Variants in TBCK observed in about 807,000 individuals in gnomAD.
TBCK encodes the protein TBC1 domain containing kinase, also known as TBC domain-containing protein kinase-like protein.
TBCK carries 99 observed loss-of-function variants against 113.4 expected under a neutral mutation model. That is an observed-to-expected ratio of 0.87 (90% confidence interval 0.74 to 1.03). TBCK has a LOEUF of 1.03. Among genes scored for constraint, TBCK ranks in the 50% least tolerant of loss-of-function variants. TBCK has a pLI of 0.00. For missense variants in TBCK, 1,045 were observed against 1,061.3 expected, an observed-to-expected ratio of 0.98 and a Z score of 0.21; for synonymous variants, 369 against 370.8, an observed-to-expected ratio of 1.00 and a Z score of 0.05.
chr4:106,052,374 A>G (rs1190979892), intron 25 of TBCK, among the ~76,000 whole-genome samples: 1 of 151,818 alleles, frequency 6.6e-6, no homozygotes, highest in Admixed American at 6.6e-5. Flanking sequence ...AAAAAGTGGG[A>G]GAGTCTAGAA....
At chr4:106,240,624 A>T (rs1290164944) in intron 12 of TBCK, among the ~76,000 whole-genome samples, 4 of 152,000 alleles carry the variant, frequency 2.6e-5, no homozygotes, top group African/African-American at 9.7e-5. Flanking sequence ...ATTTTACTAC[A>T]TGAAAAAATA....
Position 106,044,860 on chromosome 4 carries a change from C to A in TBCK, c.*1710G>T, listed in dbSNP as rs1453243294. The A allele has an allele frequency of 6.6e-6, 1 of 152,134 alleles. No individual in the cohort carries two copies. Among genetic ancestry groups the A allele is most frequent in the Admixed American group, 6.5e-5 (1 of 15,280 alleles). 9.4% of individuals were successfully genotyped at this position (152,134 alleles called of 1,614,324 possible). On this transcript the variant is annotated 3_prime_UTR_variant, in exon 26 of 26. Coordinates refer to ENST00000394708, the MANE Select transcript of TBCK (RefSeq NM_001163435.3). The stretch of plus-strand genomic sequence containing the variant: ...TAAACAATAGCAGCAACAACAAAAC[C>A]ATGGCCCAGAAAGCTGAATTGAGGC...
At chr4:106,274,901 G>T (rs1763864343) in intron 3 of TBCK, among the ~76,000 whole-genome samples, 1 of 152,156 alleles carries the variant, frequency 6.6e-6, no homozygotes, top group Non-Finnish European at 1.5e-5. Context: ...GGAGGCCAAG[G>T]TGAGAGGATC....
At chr4:106,279,983 T>G (rs1199046716) in intron 3 of TBCK, among the ~76,000 whole-genome samples, 1 of 152,144 alleles carries the variant, frequency 6.6e-6, no homozygotes, top group African/African-American at 2.4e-5. Flanking sequence ...GATAGCCTTA[T>G]TTTTAGTTTT....
intron 25 of TBCK, among the ~76,000 whole-genome samples, chr4:106,066,504 T>C (rs1415562830): frequency 6.6e-6 from 1 of 152,010 alleles, no homozygotes; most frequent in Non-Finnish European, 1.5e-5. Flanking sequence ...CTATACCTTA[T>C]TTGAAAAAAT....
intron 3 of TBCK, among the ~76,000 whole-genome samples, chr4:106,289,180 T>C (rs1765419856): frequency 6.6e-6 from 1 of 152,200 alleles, no homozygotes; most frequent in Non-Finnish European, 1.5e-5. Context: ...CAAATCTTTT[T>C]GCATAGGTGG....
chr4:106,266,098 T>C (rs185086129), intron 3 of TBCK, among the ~76,000 whole-genome samples: 155 of 151,896 alleles, frequency 1.0e-3, no homozygotes, highest in Non-Finnish European at 1.5e-3. Flanking sequence ...TAAATGGCAA[T>C]ATTCCAAACT....
chr4:106,208,506 T>C lies in TBCK; in HGVS notation c.1860+4244A>G, dbSNP rs138961789. Among the ~76,000 whole-genome samples the C allele has an allele frequency of 4.5e-4, 68 of 151,704 alleles. No homozygotes were observed. The East Asian group carries it at 0.013, about 28-fold the overall frequency. On this transcript the variant is annotated intron_variant, in intron 20 of 25. Transcript: ENST00000394708. Reference sequence around the variant, plus strand: ...ATAAAAGCCCCAGGCTCAGCCACACTTTGGGCTACCCACTTTTAGGTGGTG... The same window carrying C: ...ATAAAAGCCCCAGGCTCAGCCACACCTTGGGCTACCCACTTTTAGGTGGTG...
rs78427880 is a variant in TBCK, at chr4:106,232,503, T to C, written c.1639+435A>G. Reference sequence around the variant, plus strand: ...GCTAAAAATAAAAGATATGAACCATTAAAGATACAAGAAAAAAAAGACAAT... The same window carrying C: ...GCTAAAAATAAAAGATATGAACCATCAAAGATACAAGAAAAAAAAGACAAT... On this transcript the variant is annotated intron_variant, in intron 17 of 25. Transcript: ENST00000394708. 2.7e-5 allele frequency among the ~76,000 whole-genome samples: 4 copies of C among 149,716 alleles called. No individual in the cohort carries two copies. In the East Asian group the frequency reaches 7.7e-4, roughly 29 times the overall value.
intron 3 of TBCK, among the ~76,000 whole-genome samples, chr4:106,264,366 G>A (rs1053887966): frequency 5.9e-5 from 9 of 151,914 alleles, no homozygotes; most frequent in African/African-American, 2.2e-4. Context: ...TGTATGATTC[G>A]GGCAGAGGCC....
At chr4:106,151,726 G>A (rs1175026428) in intron 23 of TBCK, among the ~76,000 whole-genome samples, 1 of 151,826 alleles carries the variant, frequency 6.6e-6, no homozygotes, top group African/African-American at 2.4e-5. Flanking sequence ...CCATGAACAT[G>A]GAATCTCTTT....
intron 25 of TBCK, among the ~76,000 whole-genome samples, chr4:106,077,461 G>GCCTATTAAAAA (rs1560612370): frequency 6.6e-6 from 1 of 152,280 alleles, no homozygotes; most frequent in East Asian, 1.9e-4. Context: ...TTAAAGTAAA[G>GCCTATTAAAAA]GAATGGAGAA....
intron 3 of TBCK, among the ~76,000 whole-genome samples, chr4:106,284,086 T>C (rs1224604395): frequency 6.6e-6 from 1 of 152,160 alleles, no homozygotes; most frequent in Non-Finnish European, 1.5e-5. Flanking sequence ...TTCGGTATTA[T>C]TTTCCTTCTT....
chr4:106,105,722 T>A (rs73836982), intron 24 of TBCK, among the ~76,000 whole-genome samples: 1 of 152,084 alleles, frequency 6.6e-6, no homozygotes, highest in Admixed American at 6.6e-5. Flanking sequence ...CAAATACTCA[T>A]CCCAGTGAAA....
intron 2 of TBCK, among the ~76,000 whole-genome samples, chr4:106,305,426 A>G (rs1196867495): frequency 6.6e-6 from 1 of 152,090 alleles, no homozygotes; most frequent in African/African-American, 2.4e-5. Context: ...AAGCAAATAA[A>G]ACATAACAGA....
chr4:106,123,443 C>T (rs1032358938), intron 23 of TBCK, among the ~76,000 whole-genome samples: 20 of 152,278 alleles, frequency 1.3e-4, no homozygotes, highest in Middle Eastern at 3.4e-3. Flanking sequence ...AATGGCCATA[C>T]TGCCCAAGGT....
intron 2 of TBCK, among the ~76,000 whole-genome samples, chr4:106,301,181 T>G (rs1766895711): frequency 1.3e-5 from 2 of 151,522 alleles, no homozygotes; most frequent in South Asian, 2.1e-4. Flanking sequence ...TAATTATATA[T>G]ATAATTTGTT....
rs547298626 is a variant in TBCK, at chr4:106,316,160, G to C, written c.-259C>G. The stretch of plus-strand genomic sequence containing the variant: ...GTTAACCTTCGCGGAACCCGGCGAG[G>C]AGCGCAAGCCTGGCCTTCCCCAAAC... On this transcript the variant is annotated 5_prime_UTR_variant, in exon 1 of 26. Coordinates refer to ENST00000394708, the MANE Select transcript of TBCK (RefSeq NM_001163435.3). The C allele has an allele frequency of 6.0e-6, 1 of 166,754 alleles. No individual in the cohort carries two copies. Among genetic ancestry groups the C allele is most frequent in the South Asian group, 1.8e-4 (1 of 5,596 alleles). The allele number at this position is 166,754 out of a possible 1,614,324, so 10.3% of individuals were successfully genotyped here.
At chr4:106,222,480 C>G (rs1757814857) in intron 19 of TBCK, among the ~76,000 whole-genome samples, 1 of 152,046 alleles carries the variant, frequency 6.6e-6, no homozygotes, top group African/African-American at 2.4e-5. Flanking sequence ...TTATTTTTCC[C>G]TTCCGAAAAG....
Sources: gnomAD v4.1 joint callset for allele counts (sites outside exome capture counted in the v4.1 genomes callset) on GRCh38, gnomAD v4.1.1 for gene constraint, MANE v1.5 for transcripts, NCBI Gene and HGNC (gene_info 2026-07-23, HGNC 2026-07-21) for gene names.